The following PRKN variants were observed in gnomAD, a reference collection of about 807,000 sequenced individuals.
PRKN encodes the protein parkin RBR E3 ubiquitin protein ligase.
Under a neutral mutation model 59.5 loss-of-function variants are expected in PRKN, and 56 were observed. The ratio of observed to expected loss-of-function variants is 0.94; its 90% confidence interval spans 0.76 to 1.18. The LOEUF (loss-of-function observed/expected upper bound fraction) is 1.18. Among genes scored for constraint, PRKN ranks in the 50% most tolerant of loss-of-function variants. The pLI is 0.00. For synonymous variants in PRKN, 250 were observed against 222.1 expected (o/e 1.13, Z -1.12); for missense variants, 657 against 596.4 (o/e 1.10, Z -1.06).
rs542286891 is a variant in PRKN, at chr6:162,083,117, C to A, written c.535-28943G>T. Among the ~76,000 whole-genome samples, 295 of 152,066 alleles carry A rather than the reference C, an allele frequency of 1.9e-3. 3 individuals are homozygous for A. The highest frequency in any genetic ancestry group is 6.8e-3 in the African/African-American group (282 of 41,434). ...TTACAGGTGCCTGCCAACACGCCCA[C>A]CCAGTTTTGGGACTTTTAATAGAGA... is the stretch of plus-strand genomic sequence containing the variant. On this transcript the variant is annotated intron_variant, in intron 4 of 11. Coordinates refer to ENST00000366898, the MANE Select transcript of PRKN (RefSeq NM_004562.3).
intron 4 of PRKN, among the ~76,000 whole-genome samples, chr6:162,130,886 T>TA (rs1300355529): frequency 6.6e-6 from 1 of 152,144 alleles, no homozygotes; most frequent in Non-Finnish European, 1.5e-5. Context: ...TAGTGTCTGG[T>TA]AAAAAATGGA....
In PRKN at chr6:161,402,942, C is replaced by T. The variant is rs972628903; in HGVS notation, c.1084-16065G>A. On this transcript the variant is annotated intron_variant, in intron 9 of 11. Coordinates refer to ENST00000366898, the MANE Select transcript of PRKN (RefSeq NM_004562.3). This position sits in a 1 kb window ranked among gnomAD's most constrained non-coding sequence, Gnocchi z 4.5. ...ACACAATTCCCTGGGAGGGGATTCA[C>T]GACAACTGAGATCCATCAATTGTAT... is the stretch of plus-strand genomic sequence containing the variant. 2.0e-5 allele frequency among the ~76,000 whole-genome samples: 3 copies of T among 152,004 alleles called. No homozygotes were observed. The highest frequency in any genetic ancestry group is 1.3e-4 in the Admixed American group (2 of 15,266).
At chr6:162,549,917 G>A (rs2128203165) in intron 1 of PRKN, among the ~76,000 whole-genome samples, 1 of 152,260 alleles carries the variant, frequency 6.6e-6, no homozygotes, top group African/African-American at 2.4e-5. Context: ...GATTGCAGGC[G>A]TGAGCCACCG....
chr6:161,777,906 A>G (rs200903411), intron 7 of PRKN, among the ~76,000 whole-genome samples: 4 of 144,462 alleles, frequency 2.8e-5, no homozygotes, highest in Non-Finnish European at 6.0e-5. Flanking sequence ...ATACATATAT[A>G]TGTGTATATA....
At chr6:162,510,482 C>T (rs1184564429) in intron 1 of PRKN, among the ~76,000 whole-genome samples, 2 of 152,140 alleles carry the variant, frequency 1.3e-5, no homozygotes, top group East Asian at 3.9e-4. Context: ...GCCTCCTTGG[C>T]CAGCTGCACC....
chr6:162,074,933 T>C (rs975837820), intron 4 of PRKN, among the ~76,000 whole-genome samples: 14 of 152,230 alleles, frequency 9.2e-5, no homozygotes, highest in African/African-American at 3.4e-4. Context: ...ACAGCAGTGA[T>C]TTTTTTTGTT....
chr6:162,614,764 G>A lies in PRKN; in HGVS notation c.7+112898C>T, dbSNP rs1782334617. ...TGAACTCTAATTGATGAAAACTCAA[G>A]TCTGTATTTTTTTAAAAAAGAAACT... On this transcript the variant is annotated intron_variant, in intron 1 of 11. Coordinates refer to ENST00000366898, the MANE Select transcript of PRKN (RefSeq NM_004562.3). 3.9e-5 allele frequency among the ~76,000 whole-genome samples: 6 copies of A among 152,122 alleles called. No individual in the cohort carries two copies. In the South Asian group the frequency reaches 1.2e-3, roughly 32 times the overall value.
At chr6:161,610,159 A>G (rs1256797596) in intron 7 of PRKN, among the ~76,000 whole-genome samples, 4 of 152,168 alleles carry the variant, frequency 2.6e-5, no homozygotes, top group African/African-American at 9.7e-5. Context: ...TCCCAAAAGC[A>G]CTAAGGAATC....
At chr6:161,465,480 AT>A (rs35572465) in intron 9 of PRKN, among the ~76,000 whole-genome samples, 1,819 of 141,260 alleles carry the variant, frequency 0.013, 30 homozygotes, top group African/African-American at 0.039. Context: ...TCTTTTGGGG[AT>A]TTTTTTTTTT....
chr6:162,261,657 C>G (rs1779892635), intron 3 of PRKN, among the ~76,000 whole-genome samples: 2 of 152,076 alleles, frequency 1.3e-5, no homozygotes, highest in Admixed American at 6.6e-5. Context: ...GAAGCAGAGC[C>G]TCTTTCCCTC....
chr6:162,298,390 A>G (rs1255757406), intron 2 of PRKN, among the ~76,000 whole-genome samples: 1 of 152,086 alleles, frequency 6.6e-6, no homozygotes, highest in Non-Finnish European at 1.5e-5. Flanking sequence ...GCTTCGCACC[A>G]TGAATAGTTC....
At chr6:161,513,124 C>T (rs911673755) in intron 9 of PRKN, among the ~76,000 whole-genome samples, 9 of 152,188 alleles carry the variant, frequency 5.9e-5, no homozygotes, top group African/African-American at 1.9e-4. Flanking sequence ...TTTGGCGACT[C>T]ATGAAAATGA....
At chr6:162,208,312 A>C (rs1785046267) in intron 3 of PRKN, among the ~76,000 whole-genome samples, 1 of 152,218 alleles carries the variant, frequency 6.6e-6, no homozygotes, top group South Asian at 2.1e-4. Context: ...TTCCAATTAC[A>C]TAACCATCCA....
rs959046975 is a variant in PRKN, at chr6:161,592,728, A to G, written c.872-23312T>C. Among the ~76,000 whole-genome samples, 1 of 152,282 alleles carries G rather than the reference A, an allele frequency of 6.6e-6. No individual in the cohort carries two copies. Among genetic ancestry groups the G allele is most frequent in the African/African-American group, 2.4e-5 (1 of 41,570 alleles). On this transcript the variant is annotated intron_variant, in intron 7 of 11. Coordinates refer to ENST00000366898, the MANE Select transcript of PRKN (RefSeq NM_004562.3). The surrounding 1 kb of genome is among the most constrained non-coding windows in gnomAD (Gnocchi z 4.8). The stretch of plus-strand genomic sequence containing the variant: ...TCTTCACTAGGGAGGTCCCTTGTGC[A>G]GACCAAGGGACAGCCAGGACCAGCA...
chr6:161,786,650 A>G (rs1004913852), intron 6 of PRKN, among the ~76,000 whole-genome samples: 3 of 152,116 alleles, frequency 2.0e-5, no homozygotes, highest in Non-Finnish European at 4.4e-5. Flanking sequence ...TAGAATCTGA[A>G]TTTCCCCACT....
intron 1 of PRKN, among the ~76,000 whole-genome samples, chr6:162,635,792 A>G (rs1562456403): frequency 6.6e-6 from 1 of 152,044 alleles, no homozygotes; most frequent in Admixed American, 6.6e-5. Flanking sequence ...ACACAGGCAG[A>G]TCTGTCACTT....
chr6:161,879,336 T>A (rs1336801788), intron 6 of PRKN, among the ~76,000 whole-genome samples: 1 of 147,250 alleles, frequency 6.8e-6, no homozygotes, highest in African/African-American at 2.6e-5. Context: ...TTATGACATT[T>A]CTGCCTTTTT....
intron 1 of PRKN, among the ~76,000 whole-genome samples, chr6:162,649,501 T>G (rs1459588178): frequency 6.6e-6 from 1 of 152,130 alleles, no homozygotes; most frequent in Non-Finnish European, 1.5e-5. Context: ...CGACCATGCA[T>G]CTGGCTAACT....
intron 8 of PRKN, among the ~76,000 whole-genome samples, chr6:161,565,215 C>T (rs183280368): frequency 7.2e-5 from 11 of 152,150 alleles, no homozygotes; most frequent in Admixed American, 2.0e-4. Flanking sequence ...ACATTTTGAC[C>T]GCAAAACTTC....
Sources: gnomAD v4.1 joint callset for allele counts (sites outside exome capture counted in the v4.1 genomes callset) on GRCh38, gnomAD v4.1.1 for gene constraint, Gnocchi (gnomAD v3.1) non-coding constraint, MANE v1.5 for transcripts, NCBI Gene and HGNC (gene_info 2026-07-23, HGNC 2026-07-21) for gene names.